The following KIF21A variants were observed in gnomAD, a reference collection of about 807,000 sequenced individuals.
The protein encoded by KIF21A is kinesin family member 21A.
In KIF21A, 114 loss-of-function variants were observed where a neutral mutation model predicts 202.9. That is an observed-to-expected ratio of 0.56 (90% CI 0.48 to 0.66). The LOEUF is 0.66. Ranked by LOEUF, KIF21A falls within the 30% of genes least tolerant of loss-of-function variation. The pLI is 0.00. For synonymous variants in KIF21A, 667 were observed against 670.8 expected (o/e 0.99, Z 0.09); for missense variants, 1,677 against 1,994.9 (o/e 0.84, Z 3.04).
At chr12:39,351,533 A>T (rs919813699) in intron 11 of KIF21A, among the ~76,000 whole-genome samples, 1 of 152,194 alleles carries the variant, frequency 6.6e-6, no homozygotes, top group Middle Eastern at 3.4e-3. Context: ...AATTTATAAT[A>T]GTAATTTTAT....
Position 39,358,294 on chromosome 12 carries a change from G to A in KIF21A, c.1099C>T (p.Arg367Ter), listed in dbSNP as rs752828477. The change falls in exon 8 of 38, where the codon CGA becomes TGA. Residue 367 changes from arginine (R) to a stop codon, truncating the protein, a stop_gained. Coordinates refer to ENST00000361418, the MANE Select transcript of KIF21A (RefSeq NM_001173464.2). LOFTEE classifies it high-confidence loss of function. ...ACCTTATTCTTGATATTTCTAGCTC[G>A]ATTGGCGTATTTCAGGGTGTTTAAC... ...ETLNTLKYAN[R>*]ARNIKNKVMV... The A allele has an allele frequency of 1.9e-6, 3 of 1,613,856 alleles. No individual in the cohort carries two copies. The highest frequency in any genetic ancestry group is 2.5e-6 in the Non-Finnish European group (3 of 1,179,912).
intron 11 of KIF21A, among the ~76,000 whole-genome samples, chr12:39,346,976 A>T (rs1470255953): frequency 6.6e-6 from 1 of 152,002 alleles, no homozygotes; most frequent in East Asian, 1.9e-4. Context: ...AATACCACTA[A>T]TACTACATTC....
chr12:39,322,574 A>C (rs1174194132), intron 27 of KIF21A, 94 bp downstream of exon 27: 1 of 913,790 alleles, frequency 1.1e-6, no homozygotes, highest in Non-Finnish European at 1.7e-6. Flanking sequence ...AATTTATATA[A>C]ATTTTAAATA....
chr12:39,351,413 T>C (rs1948368699), intron 11 of KIF21A, among the ~76,000 whole-genome samples: 1 of 152,002 alleles, frequency 6.6e-6, no homozygotes. Context: ...TTTAATTGCA[T>C]TAGGAAATGG....
intron 1 of KIF21A, among the ~76,000 whole-genome samples, chr12:39,440,245 C>T (rs1400374858): frequency 6.6e-6 from 1 of 152,146 alleles, no homozygotes; most frequent in Non-Finnish European, 1.5e-5. Context: ...GCAACTGACC[C>T]AAAGCTAAGT....
intron 8 of KIF21A, among the ~76,000 whole-genome samples, chr12:39,357,832 C>T (rs535785949): frequency 2.9e-5 from 4 of 139,090 alleles, no homozygotes; most frequent in African/African-American, 1.1e-4. Flanking sequence ...ATCATTTAAC[C>T]CGGGAGGCGG....
intron 1 of KIF21A, among the ~76,000 whole-genome samples, chr12:39,441,429 T>C (rs999200701): frequency 3.3e-5 from 5 of 151,908 alleles, no homozygotes; most frequent in African/African-American, 1.2e-4. Context: ...CCTAACAAAA[T>C]TGCCTCTTAT....
intron 1 of KIF21A, among the ~76,000 whole-genome samples, chr12:39,421,723 T>TTTTATATATATA (rs944109985): frequency 7.4e-5 from 10 of 135,026 alleles, no homozygotes; most frequent in African/African-American, 2.5e-4. Flanking sequence ...TATATATAAT[T>TTTTATATATATA]TATATATATA....
At chr12:39,324,564 G>GT (rs1189586896) in intron 26 of KIF21A, among the ~76,000 whole-genome samples, 12 of 152,326 alleles carry the variant, frequency 7.9e-5, no homozygotes, top group African/African-American at 2.9e-4. Context: ...GCCTGGAGAT[G>GT]TTTTTTGATT....
At chr12:39,310,625 G>C (rs1943935771) in intron 32 of KIF21A, among the ~76,000 whole-genome samples, 1 of 151,880 alleles carries the variant, frequency 6.6e-6, no homozygotes, top group South Asian at 2.1e-4. Flanking sequence ...TCATGTCTCT[G>C]CTTATGTTAT....
intron 16 of KIF21A, among the ~76,000 whole-genome samples, chr12:39,338,347 A>G (rs1223746139): frequency 6.6e-6 from 1 of 152,206 alleles, no homozygotes; most frequent in Admixed American, 6.5e-5. Context: ...TGTGTTTTAA[A>G]CTGTGATATT....
At chr12:39,354,644 T>C (rs1339799100) in intron 10 of KIF21A, among the ~76,000 whole-genome samples, 1 of 152,096 alleles carries the variant, frequency 6.6e-6, no homozygotes, top group Non-Finnish European at 1.5e-5. Context: ...CAAATGGCAA[T>C]AAACAAACAT....
chr12:39,369,936 T>C, intron 2 of KIF21A, 25 bp from the exon 3 acceptor site: 1 of 1,606,464 alleles, frequency 6.2e-7, no homozygotes. Context: ...AGAGAAAGAT[T>C]AGTGTTCAAC....
chr12:39,421,459 A>G (rs1954251042), intron 1 of KIF21A, among the ~76,000 whole-genome samples: 1 of 152,074 alleles, frequency 6.6e-6, no homozygotes, highest in Admixed American at 6.6e-5. Context: ...TTGGTTGGCC[A>G]AGGCAGGTGA....
intron 7 of KIF21A, among the ~76,000 whole-genome samples, chr12:39,360,832 A>C (rs1592331530): frequency 6.6e-6 from 1 of 152,380 alleles, no homozygotes; most frequent in East Asian, 1.9e-4. Context: ...TAAATTATGC[A>C]CATAAACATA....
intron 7 of KIF21A, among the ~76,000 whole-genome samples, chr12:39,361,706 C>T (rs12581135): frequency 0.011 from 1,634 of 152,014 alleles, 117 homozygotes; most frequent in Admixed American, 0.092. Context: ...CAGGGTTTCA[C>T]CGTGTTAGCC....
intron 1 of KIF21A, among the ~76,000 whole-genome samples, chr12:39,409,990 C>A (rs1026656551): frequency 6.6e-6 from 1 of 152,122 alleles, no homozygotes; most frequent in Non-Finnish European, 1.5e-5. Flanking sequence ...CACCATCATG[C>A]CCGGCTAATT....
At chr12:39,438,209 G>T (rs1320343129) in intron 1 of KIF21A, among the ~76,000 whole-genome samples, 2 of 152,124 alleles carry the variant, frequency 1.3e-5, no homozygotes, top group Non-Finnish European at 2.9e-5. Flanking sequence ...ATTATAACCA[G>T]AATGGGACAA....
chr12:39,398,942 G>A (rs1369360392), intron 1 of KIF21A, among the ~76,000 whole-genome samples: 1 of 152,042 alleles, frequency 6.6e-6, no homozygotes, highest in Non-Finnish European at 1.5e-5. Context: ...ACAGTATAAT[G>A]TCTGAGAGCG....
Sources: allele counts gnomAD v4.1 joint callset (sites outside exome capture counted in the v4.1 genomes callset), GRCh38; gene constraint gnomAD v4.1.1; transcripts MANE v1.5; gene names NCBI Gene and HGNC (gene_info 2026-07-23, HGNC 2026-07-21).